The following TM9SF2 variants were observed in gnomAD, a reference collection of about 807,000 sequenced individuals.
TM9SF2 encodes the protein 76 kDa membrane protein.
A neutral mutation model predicts 84.9 loss-of-function variants in TM9SF2; 13 were observed. The ratio of observed to expected loss-of-function variants is 0.15; its 90% CI spans 0.10 to 0.24. The LOEUF is 0.24. Ranked by LOEUF, TM9SF2 falls within the 10% of genes least tolerant of loss-of-function variation. The pLI, the probability that TM9SF2 is intolerant of heterozygous loss-of-function variation, is 1.00. For missense variants in TM9SF2, 562 were observed against 818.5 expected, an observed-to-expected ratio of 0.69 and a Z score of 3.82; for synonymous variants, 273 against 285.8, an observed-to-expected ratio of 0.96 and a Z score of 0.45.
intron 4 of TM9SF2, among the ~76,000 whole-genome samples, chr13:99,535,339 T>G (rs2046229253): frequency 6.6e-6 from 1 of 152,198 alleles, no homozygotes; most frequent in Non-Finnish European, 1.5e-5. Flanking sequence ...ACTATAATTT[T>G]TATGTAGTAC....
chr13:99,560,191 C>T (rs1476134135), intron 16 of TM9SF2, among the ~76,000 whole-genome samples: 3 of 152,084 alleles, frequency 2.0e-5, no homozygotes, highest in African/African-American at 4.8e-5. Flanking sequence ...TAACGCTGCC[C>T]GAAGCGTGCA....
intron 16 of TM9SF2, among the ~76,000 whole-genome samples, chr13:99,561,754 A>G (rs989339911): frequency 1.3e-5 from 2 of 152,238 alleles, no homozygotes; most frequent in Non-Finnish European, 2.9e-5. Context: ...CTTTAAATGT[A>G]AAATTTATAC....
intron 3 of TM9SF2, among the ~76,000 whole-genome samples, chr13:99,523,244 C>G (rs780797724): frequency 6.6e-6 from 1 of 152,134 alleles, no homozygotes; most frequent in African/African-American, 2.4e-5. Flanking sequence ...CTTGAACTCC[C>G]AGGCTCAATA....
chr13:99,539,236 T>G (rs2046247817), intron 6 of TM9SF2, among the ~76,000 whole-genome samples: 1 of 151,648 alleles, frequency 6.6e-6, no homozygotes, highest in Admixed American at 6.6e-5. Context: ...AAAAAAAAGA[T>G]TATTTAAATG....
At chr13:99,542,356 GTTAA>G (rs1160096977) in intron 9 of TM9SF2, among the ~76,000 whole-genome samples, 1 of 152,072 alleles carries the variant, frequency 6.6e-6, no homozygotes, top group Non-Finnish European at 1.5e-5. Context: ...TATTTGTGTG[GTTAA>G]TTTTTTAAAA....
intron 3 of TM9SF2, among the ~76,000 whole-genome samples, chr13:99,525,053 T>A (rs1005910544): frequency 6.6e-6 from 1 of 152,104 alleles, no homozygotes; most frequent in Non-Finnish European, 1.5e-5. Flanking sequence ...AGGATTGACC[T>A]TGGGTTTAGC....
Position 99,562,787 on chromosome 13 carries a change from A to G in TM9SF2, c.*29A>G. 6.2e-7 allele frequency: 1 copy of G among 1,600,620 alleles called. No individual in the cohort carries two copies. Among genetic ancestry groups the G allele is most frequent in the Non-Finnish European group, 8.5e-7 (1 of 1,173,766 alleles). ...AGTCCAGTGTGTCCAGTTAAAACAG[A>G]AATAAATTAAACTCTTCATCAACAA... On this transcript the variant is annotated 3_prime_UTR_variant, in exon 17 of 17. Transcript: ENST00000376387.
At chr13:99,550,579 C>G (rs1335337049) in intron 12 of TM9SF2, among the ~76,000 whole-genome samples, 1 of 152,066 alleles carries the variant, frequency 6.6e-6, no homozygotes, top group Non-Finnish European at 1.5e-5. Flanking sequence ...GGGTGTTTAC[C>G]AGCAGGTAAA....
intron 1 of TM9SF2, among the ~76,000 whole-genome samples, chr13:99,508,518 A>T (rs887296608): frequency 9.2e-5 from 14 of 151,516 alleles, no homozygotes. Context: ...ATGCTGTATT[A>T]GGCTGTTCTT....
intron 7 of TM9SF2, 105 bp downstream of exon 7, chr13:99,539,662 A>G (rs1441751238): frequency 1.6e-4 from 123 of 756,232 alleles, no homozygotes; most frequent in Non-Finnish European, 1.2e-4. Flanking sequence ...TAAAGAAGCT[A>G]TTAATGAGCT....
chr13:99,545,679 G>T (rs1281616652), intron 10 of TM9SF2, among the ~76,000 whole-genome samples: 2 of 151,930 alleles, frequency 1.3e-5, no homozygotes, highest in African/African-American at 4.8e-5. Context: ...TGATTCTTCT[G>T]CCTCAGCCTC....
At chr13:99,513,207 ATGAAACT>A (rs999606819) in intron 1 of TM9SF2, among the ~76,000 whole-genome samples, 17 of 152,218 alleles carry the variant, frequency 1.1e-4, no homozygotes, top group Non-Finnish European at 2.1e-4. Flanking sequence ...CTATACTTAC[ATGAAACT>A]TTAACATGTA....
chr13:99,560,653 A>G (rs2046340905), intron 16 of TM9SF2, among the ~76,000 whole-genome samples: 1 of 152,132 alleles, frequency 6.6e-6, no homozygotes, highest in African/African-American at 2.4e-5. Flanking sequence ...TAGCTTAACC[A>G]TCACCTAAAT....
At chr13:99,523,340 A>G (rs964427128) in intron 3 of TM9SF2, among the ~76,000 whole-genome samples, 2 of 152,052 alleles carry the variant, frequency 1.3e-5, no homozygotes, top group African/African-American at 2.4e-5. Flanking sequence ...TTGGAGAGAC[A>G]GGGTCTCACT....
intron 2 of TM9SF2, among the ~76,000 whole-genome samples, chr13:99,518,611 T>A (rs1206587155): frequency 6.6e-6 from 1 of 152,226 alleles, no homozygotes; most frequent in Non-Finnish European, 1.5e-5. Flanking sequence ...CTTTGTTTGC[T>A]TTTGAGACAA....
At chr13:99,535,928 T>C (rs1032392793) in intron 4 of TM9SF2, among the ~76,000 whole-genome samples, 5 of 152,250 alleles carry the variant, frequency 3.3e-5, no homozygotes, top group Admixed American at 3.3e-4. Flanking sequence ...TTTGGTTCGC[T>C]AGCTTTGCAA....
intron 7 of TM9SF2, 53 bp downstream of exon 7, chr13:99,539,610 C>T: frequency 1.8e-6 from 2 of 1,112,008 alleles, no homozygotes; most frequent in South Asian, 2.5e-5. Flanking sequence ...TAAATTTGTA[C>T]TACTTAAACT....
At position 99,508,404 on chromosome 13, in the gene TM9SF2, A is replaced by AACACACACACACACACACAC. The variant is rs61561266; in HGVS notation, c.171+6648_171+6667dup. Among the ~76,000 whole-genome samples, 182 of 134,500 alleles carry AACACACACACACACACACAC rather than the reference A, an allele frequency of 1.4e-3. 2 individuals are homozygous for AACACACACACACACACACAC. Among genetic ancestry groups the AACACACACACACACACACAC allele is most frequent in the African/African-American group, 3.8e-3 (130 of 34,454 alleles). 88.2% of individuals were successfully genotyped at this position (134,500 alleles called of 152,430 possible). ...AGAGTGGGAAAAAAAAGGCAAACAA[A>AACACACACACACACACACAC]ACACACACACACACACACACACACA... is the stretch of plus-strand genomic sequence containing the variant. On this transcript the variant is annotated intron_variant, in intron 1 of 16. Coordinates refer to ENST00000376387, the MANE Select transcript of TM9SF2 (RefSeq NM_004800.3).
At chr13:99,533,461 T>C (rs564862368) in intron 4 of TM9SF2, among the ~76,000 whole-genome samples, 2 of 152,262 alleles carry the variant, frequency 1.3e-5, no homozygotes, top group African/African-American at 4.8e-5. Context: ...TAAGAAAATA[T>C]TATGGACTTT....
Sources: gnomAD v4.1 joint callset for allele counts (sites outside exome capture counted in the v4.1 genomes callset) on GRCh38, gnomAD v4.1.1 for gene constraint, MANE v1.5 for transcripts, NCBI Gene and HGNC (gene_info 2026-07-23, HGNC 2026-07-21) for gene names.